NCAM2: variants seen among roughly 807,000 people sequenced by gnomAD.
The protein encoded by NCAM2 is N-CAM-2.
Under a neutral mutation model 98.1 loss-of-function variants are expected in NCAM2, and 30 were observed. The ratio of observed to expected loss-of-function variants is 0.31; its 90% CI spans 0.23 to 0.41. The LOEUF (loss-of-function observed/expected upper bound fraction) is 0.41. NCAM2 is among the 10% of genes least tolerant of loss of function. The pLI is 1.00. For missense variants in NCAM2, 867 were observed against 1,005.8 expected, an observed-to-expected ratio of 0.86 and a Z score of 1.87; for synonymous variants, 368 against 342.4, an observed-to-expected ratio of 1.07 and a Z score of -0.83.
intron 1 of NCAM2, among the ~76,000 whole-genome samples, chr21:21,098,696 C>A (rs1227470250): frequency 6.6e-6 from 1 of 151,748 alleles, no homozygotes; most frequent in Non-Finnish European, 1.5e-5. Flanking sequence ...ATGTGCGTGG[C>A]AATGTGAAGG....
At chr21:21,392,376 T>C (rs2145832789) in intron 9 of NCAM2, among the ~76,000 whole-genome samples, 1 of 152,328 alleles carries the variant, frequency 6.6e-6, no homozygotes, top group East Asian at 1.9e-4. Flanking sequence ...GTTGAATCCA[T>C]GTCTTTGCTA....
rs1990126030 is a variant in NCAM2 at position 21,539,062 on chromosome 21, A to G, written c.*1105A>G. The G allele has an allele frequency of 6.6e-6, 1 of 152,180 alleles. No individual in the cohort carries two copies. Among genetic ancestry groups the G allele is most frequent in the African/African-American group, 2.4e-5 (1 of 41,458 alleles). The allele number at this position is 152,180 out of a possible 1,614,324, so 9.4% of individuals were successfully genotyped here. ...AAATGATAAATAATTAAATGCCACT[A>G]TGTGTTCTATTCCGGATGTTCTAGC... is the stretch of plus-strand genomic sequence containing the variant. On this transcript the variant is annotated 3_prime_UTR_variant, in exon 18 of 18. Coordinates refer to ENST00000400546, the MANE Select transcript of NCAM2 (RefSeq NM_004540.5).
chr21:21,043,850 CAAAAAAA>C (rs72473034), intron 1 of NCAM2, among the ~76,000 whole-genome samples: 4 of 119,998 alleles, frequency 3.3e-5, no homozygotes, highest in Admixed American at 9.2e-5. Context: ...GAGACTCCGT[CAAAAAAA>C]AAAAAAAAAA....
intron 1 of NCAM2, among the ~76,000 whole-genome samples, chr21:21,113,969 T>C (rs1214128163): frequency 6.6e-6 from 1 of 152,202 alleles, no homozygotes; most frequent in Non-Finnish European, 1.5e-5. Context: ...TTCCATATAA[T>C]TCTCTAACTA....
chr21:21,082,085 G>C (rs186080056), intron 1 of NCAM2, among the ~76,000 whole-genome samples: 1 of 151,304 alleles, frequency 6.6e-6, no homozygotes, highest in Admixed American at 6.6e-5. Flanking sequence ...AAAATTAGCC[G>C]GGCGTGGTGG....
chr21:21,521,439 C>T (rs1989010147), intron 16 of NCAM2, among the ~76,000 whole-genome samples: 1 of 152,062 alleles, frequency 6.6e-6, no homozygotes, highest in Non-Finnish European at 1.5e-5. Context: ...AGAGAGGCAG[C>T]ATTAGAACCA....
At chr21:21,379,391 A>G (rs1018960903) in intron 9 of NCAM2, among the ~76,000 whole-genome samples, 2 of 152,064 alleles carry the variant, frequency 1.3e-5, no homozygotes, top group African/African-American at 2.4e-5. Context: ...TTCTAATAGA[A>G]TCACATAACT....
At chr21:21,234,547 A>G (rs1311598325) in intron 1 of NCAM2, among the ~76,000 whole-genome samples, 1 of 151,938 alleles carries the variant, frequency 6.6e-6, no homozygotes, top group Non-Finnish European at 1.5e-5. Flanking sequence ...TTCCAAATAA[A>G]CATTTTCTGT....
chr21:21,245,858 T>TAA, intron 1 of NCAM2, among the ~76,000 whole-genome samples: 1 of 152,232 alleles, frequency 6.6e-6, no homozygotes, highest in African/African-American at 2.4e-5. Context: ...ATAAGGAAGA[T>TAA]GAGGATAAGG....
intron 3 of NCAM2, among the ~76,000 whole-genome samples, chr21:21,285,809 A>T (rs1013708355): frequency 1.3e-5 from 2 of 152,062 alleles, no homozygotes; most frequent in African/African-American, 2.4e-5. Context: ...ATGGAATCCT[A>T]TGGAAAATAA....
intron 1 of NCAM2, among the ~76,000 whole-genome samples, chr21:21,196,447 G>A (rs1372233367): frequency 6.6e-6 from 1 of 152,122 alleles, no homozygotes; most frequent in Non-Finnish European, 1.5e-5. Flanking sequence ...CTCAATCCTT[G>A]CTTCCTGCCC....
At chr21:21,336,650 G>A (rs1258633249) in intron 7 of NCAM2, among the ~76,000 whole-genome samples, 1 of 152,176 alleles carries the variant, frequency 6.6e-6, no homozygotes, top group Non-Finnish European at 1.5e-5. Context: ...TCCCTGCGTG[G>A]ACACGCCCTC....
chr21:21,339,279 G>T (rs746283187), intron 8 of NCAM2, among the ~76,000 whole-genome samples: 4 of 152,016 alleles, frequency 2.6e-5, no homozygotes, highest in Non-Finnish European at 4.4e-5. Context: ...ATATAATTTA[G>T]AATCTAATGT....
chr21:21,228,120 A>G (rs548283982), intron 1 of NCAM2, among the ~76,000 whole-genome samples: 97 of 151,754 alleles, frequency 6.4e-4, no homozygotes, highest in South Asian at 4.8e-3. Flanking sequence ...AGAATTGCTA[A>G]AGAAAGTCAA....
chr21:21,489,002 T>C (rs1336699652), intron 15 of NCAM2, among the ~76,000 whole-genome samples: 3 of 152,070 alleles, frequency 2.0e-5, no homozygotes, highest in Non-Finnish European at 4.4e-5. Flanking sequence ...TATTTTTTTA[T>C]TTTCTTGAGA....
rs576376338 is a variant in NCAM2 at position 21,133,122 on chromosome 21, T to C, written c.55+134504T>C. 1.5e-4 allele frequency among the ~76,000 whole-genome samples: 23 copies of C among 152,338 alleles called. No homozygotes were observed. The East Asian group carries it at 2.1e-3, about 14-fold the overall frequency. ...GATTATTTCAATTTTTATACAACATTCCATTGCTTTAATTTATTATGCAAT... is the reference window on the plus strand; with the variant it reads ...GATTATTTCAATTTTTATACAACATCCCATTGCTTTAATTTATTATGCAAT... On this transcript the variant is annotated intron_variant, in intron 1 of 17. Coordinates refer to ENST00000400546, the MANE Select transcript of NCAM2 (RefSeq NM_004540.5).
intron 1 of NCAM2, among the ~76,000 whole-genome samples, chr21:21,225,831 C>T (rs1324624160): frequency 6.6e-6 from 1 of 151,968 alleles, no homozygotes; most frequent in Non-Finnish European, 1.5e-5. Flanking sequence ...TATTGTCATA[C>T]GTAGTAATAT....
At position 21,432,124 on chromosome 21, in the gene NCAM2, C is replaced by T. The variant is rs185457460; in HGVS notation, c.1497C>T (p.Pro499=). 604 of 1,613,970 alleles carry T rather than the reference C, an allele frequency of 3.7e-4. No homozygotes were observed. Among genetic ancestry groups the T allele is most frequent in the Non-Finnish European group, 4.8e-4 (564 of 1,179,892 alleles). The part of the protein sequence containing the change: ...ILALADVPSS[P]YGVKIIELSQ... ...TGTCCATAGACGTGCCATCCAGTCCCTATGGAGTGAAGATCATAGAGCTGT... is the reference window on the plus strand; with the variant it reads ...TGTCCATAGACGTGCCATCCAGTCCTTATGGAGTGAAGATCATAGAGCTGT... Residue 499 remains proline (P), a synonymous_variant, in exon 12 of 18, where the codon CCC becomes CCT. Coordinates refer to ENST00000400546, the MANE Select transcript of NCAM2 (RefSeq NM_004540.5).
At chr21:21,528,268 G>A (rs1192510083) in intron 16 of NCAM2, among the ~76,000 whole-genome samples, 1 of 152,162 alleles carries the variant, frequency 6.6e-6, no homozygotes, top group Non-Finnish European at 1.5e-5. Context: ...TAAAATAATT[G>A]TGAGAAAATG....
Sources: gnomAD v4.1 joint callset for allele counts (sites outside exome capture counted in the v4.1 genomes callset) on GRCh38, gnomAD v4.1.1 for gene constraint, MANE v1.5 for transcripts, NCBI Gene and HGNC (gene_info 2026-07-23, HGNC 2026-07-21) for gene names.